Variants in FAT3 observed in about 807,000 individuals in gnomAD.
FAT3 encodes the protein protocadherin Fat 3.
FAT3 carries 95 observed loss-of-function variants against 310.2 expected under a neutral mutation model. The ratio of observed to expected loss-of-function variants is 0.31; its 90% CI spans 0.26 to 0.36. The LOEUF is 0.36. FAT3 is among the 10% of genes least tolerant of loss of function. The probability of loss-of-function intolerance (pLI) is 1.00; values close to 1 mark genes in which losing one functional copy is unlikely to be tolerated. For synonymous variants in FAT3, 2,314 were observed against 2,192.9 expected (o/e 1.06, Z -1.54); for missense variants, 5,408 against 5,715.6 (o/e 0.95, Z 1.74).
At chr11:92,691,781 T>C (rs1019243273) in intron 3 of FAT3, among the ~76,000 whole-genome samples, 5 of 152,188 alleles carry the variant, frequency 3.3e-5, no homozygotes, top group Admixed American at 6.5e-5. Context: ...TCAAAATAAT[T>C]CCTATTTCTC....
At chr11:92,705,554 G>C (rs1591629660) in intron 4 of FAT3, among the ~76,000 whole-genome samples, 1 of 145,548 alleles carries the variant, frequency 6.9e-6, no homozygotes, top group Non-Finnish European at 1.5e-5. Flanking sequence ...TGATGGTGGT[G>C]GTGTGATGGT....
intron 3 of FAT3, among the ~76,000 whole-genome samples, chr11:92,675,935 G>A (rs146664691): frequency 6.6e-6 from 1 of 152,180 alleles, no homozygotes; most frequent in African/African-American, 2.4e-5. Context: ...CTATAAAGAG[G>A]ATGCTGCTGC....
chr11:92,727,414 ATAAT>A (rs1176411466), intron 4 of FAT3, among the ~76,000 whole-genome samples: 1 of 150,910 alleles, frequency 6.6e-6, no homozygotes, highest in Non-Finnish European at 1.5e-5. Flanking sequence ...AGTGACATAA[ATAAT>A]TATTTAGCTA....
intron 2 of FAT3, among the ~76,000 whole-genome samples, chr11:92,449,652 C>T (rs974296799): frequency 3.3e-5 from 5 of 152,072 alleles, no homozygotes; most frequent in Non-Finnish European, 7.4e-5. Flanking sequence ...CAGTAACTTG[C>T]AAAGGTTACA....
intron 2 of FAT3, among the ~76,000 whole-genome samples, chr11:92,393,805 T>C (rs1031937886): frequency 1.3e-5 from 2 of 152,170 alleles, no homozygotes; most frequent in African/African-American, 4.8e-5. Context: ...GAAGCAGTTG[T>C]TTTTGTAAGT....
chr11:92,728,822 G>A (rs548376042), intron 4 of FAT3, among the ~76,000 whole-genome samples: 4 of 152,174 alleles, frequency 2.6e-5, no homozygotes, highest in South Asian at 2.1e-4. Flanking sequence ...TTCCTCTTCC[G>A]AGTGTAACCT....
chr11:92,403,733 A>G (rs1591236740), intron 2 of FAT3, among the ~76,000 whole-genome samples: 1 of 152,226 alleles, frequency 6.6e-6, no homozygotes, highest in East Asian at 1.9e-4. Flanking sequence ...TATATTATGG[A>G]GTGTTACAAA....
chr11:92,267,167 A>G (rs1044198250), intron 1 of FAT3, among the ~76,000 whole-genome samples: 1 of 152,142 alleles, frequency 6.6e-6, no homozygotes, highest in East Asian at 1.9e-4. Flanking sequence ...GGCATTCATG[A>G]CTTTATCATG....
At chr11:92,809,758 T>C (rs1947617068) in intron 12 of FAT3, 85 bp from the exon 13 acceptor site, 1 of 988,688 alleles carries the variant, frequency 1.0e-6, no homozygotes, top group Non-Finnish European at 1.5e-6. Context: ...ATGTTGAGAA[T>C]TGTTTGTATA....
At chr11:92,791,716 CT>C (rs1947044664) in intron 8 of FAT3, among the ~76,000 whole-genome samples, 1 of 152,300 alleles carries the variant, frequency 6.6e-6, no homozygotes. Context: ...TTCTTCACAT[CT>C]CTCTGCAGGT....
chr11:92,432,246 T>C (rs559983732), intron 2 of FAT3, among the ~76,000 whole-genome samples: 2 of 152,298 alleles, frequency 1.3e-5, no homozygotes, highest in South Asian at 4.1e-4. Flanking sequence ...AGGTATTTTA[T>C]TCTCTTTGAA....
chr11:92,252,055 T>C (rs967846162), intron 1 of FAT3, among the ~76,000 whole-genome samples: 1 of 152,122 alleles, frequency 6.6e-6, no homozygotes, highest in African/African-American at 2.4e-5. Flanking sequence ...GCCTCTGTGT[T>C]ACTCCATTTT....
At chr11:92,664,763 ATCTT>A (rs1419857671) in intron 3 of FAT3, among the ~76,000 whole-genome samples, 1 of 152,240 alleles carries the variant, frequency 6.6e-6, no homozygotes, top group Non-Finnish European at 1.5e-5. Flanking sequence ...TTAGAAAAAC[ATCTT>A]TCTTATGCAA....
chr11:92,708,216 T>C (rs567234797), intron 4 of FAT3, among the ~76,000 whole-genome samples: 26 of 152,336 alleles, frequency 1.7e-4, no homozygotes, highest in Admixed American at 1.7e-3. Flanking sequence ...GGAAAACCTA[T>C]AATAAGTTTG....
At chr11:92,286,302 C>G (rs993449446) in intron 1 of FAT3, among the ~76,000 whole-genome samples, 3 of 152,114 alleles carry the variant, frequency 2.0e-5, no homozygotes, top group Non-Finnish European at 4.4e-5. Context: ...GTGATAGGAT[C>G]AGTCCAGGGT....
At chr11:92,415,873 T>TTA (rs1298880109) in intron 2 of FAT3, among the ~76,000 whole-genome samples, 1 of 142,014 alleles carries the variant, frequency 7.0e-6, no homozygotes, top group African/African-American at 2.8e-5. Flanking sequence ...TTTTTTTTTT[T>TTA]AAGAGATTAG....
chr11:92,853,178 G>A (rs1171140252), intron 19 of FAT3, among the ~76,000 whole-genome samples: 3 of 152,236 alleles, frequency 2.0e-5, no homozygotes, highest in Non-Finnish European at 2.9e-5. Context: ...GCTGGCACAT[G>A]AGCAAGCATG....
intron 3 of FAT3, among the ~76,000 whole-genome samples, chr11:92,604,192 A>G (rs1208685564): frequency 6.6e-6 from 1 of 152,230 alleles, no homozygotes; most frequent in East Asian, 1.9e-4. Context: ...GTTTACCCAT[A>G]GTAATACTGC....
chr11:92,367,056 C>T, intron 2 of FAT3: 1 of 491,434 alleles, frequency 2.0e-6, no homozygotes, highest in East Asian at 5.4e-5. Flanking sequence ...TCCGGACGGT[C>T]CAGATCACTC....
Sources: allele counts gnomAD v4.1 joint callset (sites outside exome capture counted in the v4.1 genomes callset), GRCh38; gene constraint gnomAD v4.1.1; transcripts MANE v1.5; gene names NCBI Gene and HGNC (gene_info 2026-07-23, HGNC 2026-07-21).